The following DLG2 variants were observed in gnomAD, a reference collection of about 807,000 sequenced individuals.
The protein encoded by DLG2 is discs large MAGUK scaffold protein 2.
Under a neutral mutation model 132.5 loss-of-function variants are expected in DLG2, and 45 were observed. The ratio of observed to expected loss-of-function variants is 0.34; its 90% CI spans 0.27 to 0.44. The LOEUF is 0.44. Ranked by LOEUF, DLG2 falls within the 20% of genes least tolerant of loss-of-function variation. The pLI, the probability that DLG2 is intolerant of heterozygous loss-of-function variation, is 1.00. For missense variants in DLG2, 1,045 were observed against 1,196.9 expected, an observed-to-expected ratio of 0.87 and a Z score of 1.87; for synonymous variants, 424 against 419.6, an observed-to-expected ratio of 1.01 and a Z score of -0.13.
chr11:85,467,683 T>C (rs1021027875), intron 3 of DLG2, among the ~76,000 whole-genome samples: 6 of 152,220 alleles, frequency 3.9e-5, no homozygotes, highest in African/African-American at 9.6e-5. Context: ...GTGGATAAGC[T>C]TTTTGATGTG....
At chr11:84,318,359 A>C (rs1466271568) in intron 7 of DLG2, among the ~76,000 whole-genome samples, 1 of 152,226 alleles carries the variant, frequency 6.6e-6, no homozygotes, top group Non-Finnish European at 1.5e-5. Flanking sequence ...CTTATCACAC[A>C]TTACTAAGGA....
At chr11:83,954,377 C>T (rs745572932) in intron 14 of DLG2, among the ~76,000 whole-genome samples, 3 of 152,140 alleles carry the variant, frequency 2.0e-5, no homozygotes, top group Non-Finnish European at 4.4e-5. Context: ...GGTCAGTTTT[C>T]TCTTTATTGT....
intron 21 of DLG2, among the ~76,000 whole-genome samples, chr11:83,530,516 T>A (rs2095713283): frequency 6.6e-6 from 1 of 151,742 alleles, no homozygotes. Context: ...AAAGAAAGGA[T>A]ATGAAGAAAA....
At chr11:83,996,677 G>T (rs1435564377) in intron 11 of DLG2, among the ~76,000 whole-genome samples, 1 of 152,102 alleles carries the variant, frequency 6.6e-6, no homozygotes, top group Non-Finnish European at 1.5e-5. Context: ...AATATGGGTG[G>T]AACTGGAGAT....
intron 6 of DLG2, among the ~76,000 whole-genome samples, chr11:85,102,674 C>T (rs1365998191): frequency 1.3e-5 from 2 of 151,974 alleles, no homozygotes; most frequent in Non-Finnish European, 2.9e-5. Context: ...GCACAGTTAA[C>T]ATCATGTTCA....
At chr11:85,581,363 C>T (rs758316212) in intron 3 of DLG2, among the ~76,000 whole-genome samples, 3 of 151,884 alleles carry the variant, frequency 2.0e-5, no homozygotes, top group Admixed American at 6.6e-5. Context: ...CTGTAATCCT[C>T]GCACTTTCAG....
At chr11:85,386,327 G>A (rs957957198) in intron 3 of DLG2, among the ~76,000 whole-genome samples, 2 of 152,130 alleles carry the variant, frequency 1.3e-5, no homozygotes, top group Admixed American at 6.6e-5. Flanking sequence ...CGAGAAAACT[G>A]ATGTTTGGTA....
intron 3 of DLG2, among the ~76,000 whole-genome samples, chr11:85,310,038 A>T (rs566292826): frequency 6.6e-6 from 1 of 152,338 alleles, no homozygotes; most frequent in South Asian, 2.1e-4. Context: ...ATTGGTTTGA[A>T]GGGAACACTG....
intron 3 of DLG2, among the ~76,000 whole-genome samples, chr11:85,383,806 A>G (rs2086100020): frequency 1.3e-5 from 2 of 152,186 alleles, no homozygotes; most frequent in Non-Finnish European, 2.9e-5. Flanking sequence ...TTCCAATTTT[A>G]CAGCTTATAT....
chr11:84,739,921 A>T (rs1475570950), intron 6 of DLG2, among the ~76,000 whole-genome samples: 6 of 152,024 alleles, frequency 3.9e-5, no homozygotes, highest in African/African-American at 1.2e-4. Context: ...ATTTTACAGG[A>T]TCTGATGAAG....
chr11:85,087,542 A>G (rs1024396167), intron 6 of DLG2, among the ~76,000 whole-genome samples: 3 of 152,226 alleles, frequency 2.0e-5, no homozygotes, highest in Non-Finnish European at 4.4e-5. Flanking sequence ...GGAGACATGC[A>G]AAAACCAGAT....
At chr11:84,109,001 G>T (rs2093163720) in intron 9 of DLG2, among the ~76,000 whole-genome samples, 1 of 152,132 alleles carries the variant, frequency 6.6e-6, no homozygotes. Flanking sequence ...AGACTGTGGT[G>T]AGGATGAGGA....
chr11:84,770,232 C>A (rs11234167), intron 6 of DLG2, among the ~76,000 whole-genome samples: 39,732 of 152,050 alleles, frequency 0.26, 5,720 homozygotes, highest in Admixed American at 0.3. Flanking sequence ...CCTGAGGCCT[C>A]CTCAGAAGCT....
Position 85,027,790 on chromosome 11 carries a change from G to T in DLG2, c.357+83871C>A, listed in dbSNP as rs572576854. Among the ~76,000 whole-genome samples the T allele has an allele frequency of 4.6e-5, 7 of 152,354 alleles. No homozygotes were observed. In the East Asian group the frequency reaches 9.6e-4, roughly 21 times the overall value. On this transcript the variant is annotated intron_variant, in intron 6 of 27. Transcript: ENST00000376104. ...GCTTGGAGACACCAGGAACCAAAGA[G>T]CCCCAAAGAGGGTGTCACAGCCCTG... is the stretch of plus-strand genomic sequence containing the variant.
chr11:83,821,941 T>C (rs1425195762), intron 17 of DLG2, among the ~76,000 whole-genome samples: 1 of 152,164 alleles, frequency 6.6e-6, no homozygotes, highest in Non-Finnish European at 1.5e-5. Flanking sequence ...GAGATAACTC[T>C]TCTCCTTGTC....
chr11:84,006,667 T>G (rs1000396306), intron 11 of DLG2, among the ~76,000 whole-genome samples: 1 of 151,620 alleles, frequency 6.6e-6, no homozygotes, highest in Non-Finnish European at 1.5e-5. Flanking sequence ...ATATTACGTA[T>G]CAATAAAGAT....
At chr11:84,026,883 T>A (rs2095548573) in intron 11 of DLG2, among the ~76,000 whole-genome samples, 1 of 152,058 alleles carries the variant, frequency 6.6e-6, no homozygotes, top group Non-Finnish European at 1.5e-5. Context: ...CATGAAAGAG[T>A]TGTGTACAAC....
intron 6 of DLG2, among the ~76,000 whole-genome samples, chr11:84,959,875 G>T (rs1226796310): frequency 1.3e-5 from 2 of 151,964 alleles, no homozygotes; most frequent in Non-Finnish European, 2.9e-5. Context: ...AGGTAGAAAT[G>T]TATATAGACA....
chr11:83,946,337 A>C (rs790348), intron 14 of DLG2, among the ~76,000 whole-genome samples: 150,845 of 152,266 alleles, frequency 0.99, 74,722 homozygotes, highest in East Asian at 1. Context: ...TGAATTTAAG[A>C]CAGTGATTCC....
Sources: allele counts gnomAD v4.1 joint callset (sites outside exome capture counted in the v4.1 genomes callset), GRCh38; gene constraint gnomAD v4.1.1; transcripts MANE v1.5; gene names NCBI Gene and HGNC (gene_info 2026-07-23, HGNC 2026-07-21).